The following DYNC1I1 variants were observed in gnomAD, a reference collection of about 807,000 sequenced individuals.
The protein encoded by DYNC1I1 is dynein cytoplasmic 1 intermediate chain 1, also known as cytoplasmic dynein 1 intermediate chain 1.
Under a neutral mutation model 86.6 loss-of-function variants are expected in DYNC1I1, and 43 were observed. That is an observed-to-expected ratio of 0.50 (90% confidence interval 0.39 to 0.64). The LOEUF (loss-of-function observed/expected upper bound fraction) is 0.64. Ranked by LOEUF, DYNC1I1 falls within the 30% of genes least tolerant of loss-of-function variation. The probability of loss-of-function intolerance (pLI) is 0.00; values close to 1 mark genes in which losing one functional copy is unlikely to be tolerated. For missense variants in DYNC1I1, 604 were observed against 788.8 expected (o/e 0.77, Z 2.81); for synonymous variants, 262 against 283.7 (o/e 0.92, Z 0.77).
intron 1 of DYNC1I1, among the ~76,000 whole-genome samples, chr7:95,803,280 A>G (rs1280980580): frequency 6.6e-6 from 1 of 152,264 alleles, no homozygotes; most frequent in Non-Finnish European, 1.5e-5. Flanking sequence ...TCCACACTGC[A>G]TGTCCACAAA....
intron 2 of DYNC1I1, 95 bp downstream of exon 2, chr7:95,804,932 A>C: frequency 6.9e-7 from 1 of 1,447,644 alleles, no homozygotes. Flanking sequence ...CCCTAAAAGA[A>C]TCCTTTTATG....
At chr7:95,812,277 C>G (rs1378939627) in intron 3 of DYNC1I1, among the ~76,000 whole-genome samples, 2 of 152,122 alleles carry the variant, frequency 1.3e-5, no homozygotes, top group East Asian at 3.9e-4. Flanking sequence ...TTCTTTCTAT[C>G]CATATGGCTT....
chr7:95,797,141 C>G lies in DYNC1I1; in HGVS notation c.-9-7580C>G, dbSNP rs538083021. ...TGTGACAAATGGGAACACGCAAAGC[C>G]TTCTGCTACCAACCAAGTAGTTGTC... On this transcript the variant is annotated intron_variant, in intron 1 of 16. Coordinates refer to ENST00000447467, the MANE Select transcript of DYNC1I1 (RefSeq NM_001135556.2). 3.3e-5 allele frequency among the ~76,000 whole-genome samples: 5 copies of G among 152,226 alleles called. No individual in the cohort carries two copies. The South Asian group carries it at 1.0e-3, about 32-fold the overall frequency.
chr7:96,073,867 T>G (rs1316416180), intron 14 of DYNC1I1, among the ~76,000 whole-genome samples: 2 of 152,140 alleles, frequency 1.3e-5, no homozygotes, highest in African/African-American at 4.8e-5. Context: ...TTTTAAAAAA[T>G]ATAAATAAGG....
chr7:95,984,733 G>T, intron 7 of DYNC1I1, 82 bp from the exon 8 acceptor site: 1 of 1,382,792 alleles, frequency 7.2e-7, no homozygotes, highest in Non-Finnish European at 9.6e-7. Context: ...TCTCTCTCAA[G>T]AATTGGGTTC....
chr7:95,998,014 G>A (rs1471837370), intron 10 of DYNC1I1, among the ~76,000 whole-genome samples: 1 of 152,208 alleles, frequency 6.6e-6, no homozygotes, highest in Non-Finnish European at 1.5e-5. Flanking sequence ...TAGGTAGACA[G>A]ATAACATAAT....
At chr7:95,936,954 T>TCACACACACACACA (rs1491214381) in intron 6 of DYNC1I1, among the ~76,000 whole-genome samples, 544 of 32,534 alleles carry the variant, frequency 0.017, 6 homozygotes, top group African/African-American at 0.04. Context: ...AAAGAATATG[T>TCACACACACACACA]CTCACACACA....
At chr7:96,006,180 T>C (rs1322928622) in intron 10 of DYNC1I1, among the ~76,000 whole-genome samples, 3 of 152,216 alleles carry the variant, frequency 2.0e-5, no homozygotes, top group African/African-American at 7.2e-5. Context: ...CCACTTAATA[T>C]GTGTAATGGG....
chr7:96,033,109 C>T (rs149202808), intron 12 of DYNC1I1, among the ~76,000 whole-genome samples: 124 of 152,252 alleles, frequency 8.1e-4, no homozygotes, highest in African/African-American at 2.3e-3. Flanking sequence ...CAGATGCAGA[C>T]GAGGTTGGAG....
intron 15 of DYNC1I1, among the ~76,000 whole-genome samples, chr7:96,079,001 G>A (rs547360695): frequency 4.4e-4 from 67 of 151,510 alleles, no homozygotes; most frequent in African/African-American, 1.6e-3. Context: ...AAAAATAAAT[G>A]AGCCGGGGAC....
At chr7:95,787,028 C>A (rs1203628545) in intron 1 of DYNC1I1, among the ~76,000 whole-genome samples, 1 of 152,140 alleles carries the variant, frequency 6.6e-6, no homozygotes, top group Non-Finnish European at 1.5e-5. Context: ...GAATTAAGGT[C>A]TGAATCTTAC....
chr7:96,052,886 A>C (rs1017225309), intron 14 of DYNC1I1, among the ~76,000 whole-genome samples: 2 of 152,164 alleles, frequency 1.3e-5, no homozygotes, highest in African/African-American at 4.8e-5. Flanking sequence ...GCCTGATGTC[A>C]TGTAGACTGA....
intron 1 of DYNC1I1, among the ~76,000 whole-genome samples, chr7:95,776,814 C>A (rs764743427): frequency 1.3e-5 from 2 of 152,182 alleles, no homozygotes; most frequent in Non-Finnish European, 2.9e-5. Flanking sequence ...GCTTGTCATT[C>A]ATTGAGAATC....
chr7:96,081,969 C>A (rs1468452935), intron 16 of DYNC1I1, among the ~76,000 whole-genome samples: 17 of 152,052 alleles, frequency 1.1e-4, no homozygotes, highest in Non-Finnish European at 2.4e-4. Context: ...TTTAACATCC[C>A]CTTGACTACT....
In DYNC1I1 at chr7:95,810,521, T is replaced by C. The variant is rs1366273551; in HGVS notation, c.223+15T>C. The C allele has an allele frequency of 1.2e-6, 2 of 1,603,394 alleles. No individual in the cohort carries two copies. The highest frequency in any genetic ancestry group is 1.7e-6 in the Non-Finnish European group (2 of 1,173,794). The stretch of plus-strand genomic sequence containing the variant: ...GCCGCCTCTAGGTACTTAAAAGTGC[T>C]TCCTGTTACTATTCCTCAAAATCAA... On this transcript the variant is annotated intron_variant, in intron 3 of 16. Transcript: ENST00000447467.
chr7:95,960,137 GCT>G (rs1792827680), intron 6 of DYNC1I1, among the ~76,000 whole-genome samples: 1 of 152,122 alleles, frequency 6.6e-6, no homozygotes, highest in African/African-American at 2.4e-5. Flanking sequence ...ACGGAGTTTT[GCT>G]CTAGTCACCT....
At chr7:96,058,999 A>C (rs528551518) in intron 14 of DYNC1I1, among the ~76,000 whole-genome samples, 36 of 152,152 alleles carry the variant, frequency 2.4e-4, no homozygotes, top group African/African-American at 8.2e-4. Context: ...ACAAATGCCA[A>C]ACTGACAAAT....
intron 6 of DYNC1I1, among the ~76,000 whole-genome samples, chr7:95,946,251 C>T (rs765825766): frequency 3.3e-5 from 5 of 151,854 alleles, no homozygotes; most frequent in Admixed American, 2.0e-4. Flanking sequence ...CACCGTGACA[C>T]GATTACCTAT....
chr7:95,987,412 T>C (rs905545948), intron 9 of DYNC1I1, among the ~76,000 whole-genome samples: 61 of 152,174 alleles, frequency 4.0e-4, no homozygotes, highest in Non-Finnish European at 1.0e-4. Flanking sequence ...TTACCACTGA[T>C]TTCCTACTTG....
Sources: allele counts gnomAD v4.1 joint callset (sites outside exome capture counted in the v4.1 genomes callset), GRCh38; gene constraint gnomAD v4.1.1; transcripts MANE v1.5; gene names NCBI Gene and HGNC (gene_info 2026-07-23, HGNC 2026-07-21).